Variants in ZNF800 observed in about 807,000 individuals in gnomAD.
ZNF800 encodes zinc finger protein 800.
Under a neutral mutation model 59.5 loss-of-function variants are expected in ZNF800, and 13 were observed. The observed-to-expected ratio is 0.22, with a 90% confidence interval of 0.14 to 0.35. ZNF800 has a LOEUF of 0.35. Ranked by LOEUF, ZNF800 falls within the 10% of genes least tolerant of loss-of-function variation. The probability of loss-of-function intolerance (pLI) is 1.00; values close to 1 mark genes in which losing one functional copy is unlikely to be tolerated. For synonymous variants in ZNF800, 266 were observed against 265.7 expected (o/e 1.00, Z -0.01); for missense variants, 621 against 783.7 (o/e 0.79, Z 2.48).
At chr7:127,373,314 A>C (rs1800684226) in intron 5 of ZNF800, 28 bp downstream of exon 5, 1 of 1,538,554 alleles carries the variant, frequency 6.5e-7, no homozygotes, top group Non-Finnish European at 8.7e-7. Flanking sequence ...GGGGGGAAAA[A>C]AGCAAAACTC....
chr7:127,353,283 T>C (rs1302325088), intron 1 of ZNF800, among the ~76,000 whole-genome samples: 2 of 152,218 alleles, frequency 1.3e-5, no homozygotes, highest in African/African-American at 2.4e-5. Context: ...GAGAAACTTA[T>C]AAATATGGCA....
intron 1 of ZNF800, chr7:127,362,354 G>C (rs537421939): frequency 2.0e-5 from 3 of 152,120 alleles, no homozygotes; most frequent in African/African-American, 7.2e-5. Flanking sequence ...TGTCAGTGTG[G>C]GGTAGTAAGT....
chr7:127,372,933 ATATT>A (rs1800673784), intron 5 of ZNF800: 2 of 984,536 alleles, frequency 2.0e-6, no homozygotes, highest in African/African-American at 3.5e-5. Context: ...TCATTCTAAT[ATATT>A]TAACTTTCCT....
chr7:127,375,121 C>G, intron 4 of ZNF800, 87 bp from the exon 5 acceptor site: 4 of 1,084,886 alleles, frequency 3.7e-6, no homozygotes, highest in Non-Finnish European at 5.1e-6. Context: ...GAACCTCTAT[C>G]TCAGAATATA....
chr7:127,358,508 G>A (rs540396509), intron 1 of ZNF800, among the ~76,000 whole-genome samples: 35 of 151,842 alleles, frequency 2.3e-4, no homozygotes, highest in African/African-American at 7.2e-4. Flanking sequence ...ATCTTTCAAC[G>A]GTACTCCTAA....
exon 2 of ZNF800, chr7:127,348,006 G>T (rs1416555803): frequency 2.7e-5 from 4 of 150,482 alleles, no homozygotes; most frequent in Non-Finnish European, 5.9e-5. Flanking sequence ...GCGGCCGGGC[G>T]CAGGGCGGCG....
intron 2 of ZNF800, among the ~76,000 whole-genome samples, chr7:127,388,028 T>C (rs1801192609): frequency 6.6e-6 from 1 of 152,070 alleles, no homozygotes; most frequent in Non-Finnish European, 1.5e-5. Flanking sequence ...ACTCTCTGTG[T>C]TTAAATTCTT....
At chr7:127,386,230 A>G (rs946154121) in intron 2 of ZNF800, 75 bp from the exon 3 acceptor site, 27 of 850,156 alleles carry the variant, frequency 3.2e-5, no homozygotes, top group Non-Finnish European at 5.2e-5. Flanking sequence ...TTAAAGTAAA[A>G]CAATGGCTTT....
Position 127,377,900 on chromosome 7 carries a change from C to G in ZNF800, c.158-571G>C, listed in dbSNP as rs142894645. ...CAAATTACTTCAGGTTCTGGGCCAA[C>G]ATGGGATTATGGCTATTTAGCGTGA... On this transcript the variant is annotated intron_variant, in intron 3 of 5. Coordinates refer to ENST00000265827, the MANE Select transcript of ZNF800 (RefSeq NM_176814.5). This position sits in a 1 kb window ranked among gnomAD's most constrained non-coding sequence, Gnocchi z 4.7. Among the ~76,000 whole-genome samples, 30 of 152,130 alleles carry G rather than the reference C, an allele frequency of 2.0e-4. No individual in the cohort carries two copies. The highest frequency in any genetic ancestry group is 6.7e-4 in the African/African-American group (28 of 41,552).
chr7:127,353,191 A>G (rs1800202084), intron 1 of ZNF800, among the ~76,000 whole-genome samples: 1 of 152,220 alleles, frequency 6.6e-6, no homozygotes, highest in Admixed American at 6.5e-5. Flanking sequence ...AATATATGCA[A>G]TACATCATTA....
In ZNF800 at chr7:127,391,564, T is replaced by G. The variant is rs530548972; in HGVS notation, c.-7A>C. 6 of 1,614,054 alleles carry G rather than the reference T, an allele frequency of 3.7e-6. No homozygotes were observed. In the East Asian group the frequency reaches 1.3e-4, roughly 36 times the overall value. The stretch of plus-strand genomic sequence containing the variant: ...ATTTGTCCCTTAAAGGCATTTTCAG[T>G]GGACTCGACCTACTTTGCTTTCACT... On this transcript the variant is annotated 5_prime_UTR_variant, in exon 2 of 6. Coordinates refer to ENST00000265827, the MANE Select transcript of ZNF800 (RefSeq NM_176814.5).
At chr7:127,357,342 A>G (rs980056236) in intron 1 of ZNF800, among the ~76,000 whole-genome samples, 1 of 152,150 alleles carries the variant, frequency 6.6e-6, no homozygotes, top group African/African-American at 2.4e-5. Flanking sequence ...GTGCAGCTTT[A>G]CAAAGTATAA....
At chr7:127,380,762 C>G (rs1011557949) in intron 3 of ZNF800, among the ~76,000 whole-genome samples, 2 of 152,190 alleles carry the variant, frequency 1.3e-5, no homozygotes, top group African/African-American at 4.8e-5. Flanking sequence ...CTTCCTTCTT[C>G]TTTTCCTATA....
At position 127,384,227 on chromosome 7, in the gene ZNF800, C is replaced by CTTTTTTTTTTTTTTTTTTTTTT. The variant is rs577977623; in HGVS notation, c.157+1811_157+1832dup. ...CTTATGACTTAACTAATTCTAACTT[C>CTTTTTTTTTTTTTTTTTTTTTT]TTTTTTTTTTTTTTTTTTTTTTTTT... On this transcript the variant is annotated intron_variant, in intron 3 of 5. Coordinates refer to ENST00000265827, the MANE Select transcript of ZNF800 (RefSeq NM_176814.5). Among the ~76,000 whole-genome samples, 12 of 63,380 alleles carry CTTTTTTTTTTTTTTTTTTTTTT rather than the reference C, an allele frequency of 1.9e-4. 1 individual carries two copies. The highest frequency in any genetic ancestry group is 7.2e-4 in the East Asian group (1 of 1,392). 41.6% of individuals were successfully genotyped at this position (63,380 alleles called of 152,430 possible). A position where few individuals can be genotyped will look rare whatever the true frequency, so the allele number is the denominator to read the frequency against.
chr7:127,352,970 T>C (rs1466467128), intron 1 of ZNF800, among the ~76,000 whole-genome samples: 2 of 152,086 alleles, frequency 1.3e-5, no homozygotes, highest in East Asian at 3.9e-4. Flanking sequence ...CAAAATATAG[T>C]GTTTTTCCAT....
intron 2 of ZNF800, among the ~76,000 whole-genome samples, chr7:127,389,821 GA>G (rs143197485): frequency 6.7e-6 from 1 of 149,806 alleles, no homozygotes; most frequent in Non-Finnish European, 1.5e-5. Context: ...TAGTTGGGGA[GA>G]AAAAAAAACA....
At position 127,371,225 on chromosome 7, in the gene ZNF800, T is replaced by C. The variant is rs1800623831; in HGVS notation, c.*589A>G. 3 of 152,574 alleles carry C rather than the reference T, an allele frequency of 2.0e-5. No individual in the cohort carries two copies. Among genetic ancestry groups the C allele is most frequent in the Non-Finnish European group, 1.5e-5 (1 of 68,002 alleles). The allele number at this position is 152,574 out of a possible 1,614,324, so 9.5% of individuals were successfully genotyped here. ...GTAGTATATATTTTAGGATGAAACT[T>C]TCAAACACTGAAGTGCTGGAGAACA... On this transcript the variant is annotated 3_prime_UTR_variant, in exon 6 of 6. Transcript: ENST00000265827.
chr7:127,357,565 T>C (rs879528977), intron 1 of ZNF800, among the ~76,000 whole-genome samples: 2 of 152,080 alleles, frequency 1.3e-5, no homozygotes, highest in Non-Finnish European at 2.9e-5. Flanking sequence ...GAGTAAATCA[T>C]GAAAATTCCT....
At chr7:127,384,205 ATGAC>A in intron 3 of ZNF800, among the ~76,000 whole-genome samples, 1 of 126,566 alleles carries the variant, frequency 7.9e-6, no homozygotes, top group East Asian at 2.5e-4. Flanking sequence ...CAAAGCACTT[ATGAC>A]TTAACTAATT....
Sources: gnomAD v4.1 joint callset for allele counts (sites outside exome capture counted in the v4.1 genomes callset) on GRCh38, gnomAD v4.1.1 for gene constraint, Gnocchi (gnomAD v3.1) non-coding constraint, MANE v1.5 for transcripts, NCBI Gene and HGNC (gene_info 2026-07-23, HGNC 2026-07-21) for gene names.